VWDE: variants seen among roughly 807,000 people sequenced by gnomAD.
The protein encoded by VWDE is von Willebrand factor D and EGF domain-containing protein.
VWDE carries 207 observed loss-of-function variants against 178.4 expected under a neutral mutation model. The ratio of observed to expected loss-of-function variants is 1.16; its 90% CI spans 1.04 to 1.30. The LOEUF is 1.30. Ranked by LOEUF, VWDE falls within the 50% of genes most tolerant of loss-of-function variation. VWDE has a pLI of 0.00. For missense variants in VWDE, 2,287 were observed against 1,901.3 expected (o/e 1.20, Z -3.77); for synonymous variants, 738 against 651.4 (o/e 1.13, Z -2.02).
chr7:12,339,610 T>C (rs1399638934), intron 24 of VWDE, among the ~76,000 whole-genome samples: 1 of 152,036 alleles, frequency 6.6e-6, no homozygotes, highest in Non-Finnish European at 1.5e-5. Flanking sequence ...TCAAAGTGCA[T>C]CGTGGCAAGG....
chr7:12,357,379 C>A lies in VWDE; in HGVS notation c.3411G>T (p.Gly1137=). 1 of 1,551,816 alleles carries A rather than the reference C, an allele frequency of 6.4e-7. No individual in the cohort carries two copies. The highest frequency in any genetic ancestry group is 1.2e-5 in the South Asian group (1 of 84,052). ...AAAGCCCTGCAGAGGAAACACTTGC[C>A]CCTTCAGGACCAGAGTCCAACGTAA... is the stretch of plus-strand genomic sequence containing the variant. ...IHFTLDSGPE[G]ASVSSAGLFM... The change falls in exon 17 of 29, where the codon GGG becomes GGT. Residue 1137 remains glycine (G), a synonymous_variant. Transcript: ENST00000275358.
At chr7:12,341,952 A>G in intron 23 of VWDE, 107 bp downstream of exon 23, 1 of 763,346 alleles carries the variant, frequency 1.3e-6, no homozygotes, top group Admixed American at 2.3e-5. Context: ...ATACCTATCT[A>G]CCTGTCTTGT....
Position 12,360,978 on chromosome 7 carries a change from C to T in VWDE, c.3159+169G>A, listed in dbSNP as rs560520667. Among the ~76,000 whole-genome samples the T allele has an allele frequency of 4.6e-5, 7 of 152,192 alleles. No individual in the cohort carries two copies. The East Asian group carries it at 7.7e-4, about 17-fold the overall frequency. On this transcript the variant is annotated intron_variant, in intron 15 of 28. Coordinates refer to ENST00000275358, the MANE Select transcript of VWDE (RefSeq NM_001135924.3). ...AAAATGTTAAAGGTAGGAACCTCTT[C>T]GTTGCAGGCAGAGTAACAATTTCAG...
At chr7:12,389,606 T>C (rs988448005) in intron 2 of VWDE, among the ~76,000 whole-genome samples, 10 of 152,206 alleles carry the variant, frequency 6.6e-5, no homozygotes, top group African/African-American at 2.4e-4. Context: ...TTTATTCCAT[T>C]CATTACATTT....
intron 2 of VWDE, 93 bp downstream of exon 2, chr7:12,393,501 A>C (rs189277801): frequency 9.2e-7 from 1 of 1,089,598 alleles, no homozygotes; most frequent in Admixed American, 3.0e-5. Flanking sequence ...ACAACATTTT[A>C]GCATGAGAAA....
At position 12,370,194 on chromosome 7, in the gene VWDE, C is replaced by A; in HGVS notation, c.2112G>T (p.Leu704=). The change falls in exon 12 of 29, where the codon CTG becomes CTT. Residue 704 remains leucine, a synonymous_variant. Transcript: ENST00000275358. ...TTTGTACATTTAAGCCGAGTTTAGT[C>A]AGGTTTATGTGTTTTTTTTCTTGCA... ...LFLQEKKHIN[L]TKLGLNVQKH... is the part of the protein sequence containing the mutation. The A allele has an allele frequency of 1.3e-6, 2 of 1,551,176 alleles. No homozygotes were observed. The highest frequency in any genetic ancestry group is 1.7e-6 in the Non-Finnish European group (2 of 1,146,844).
intron 16 of VWDE, 62 bp from the exon 17 acceptor site, chr7:12,357,577 G>A (rs1413762226): frequency 6.6e-7 from 1 of 1,512,272 alleles, no homozygotes; most frequent in Non-Finnish European, 8.9e-7. Flanking sequence ...GTGTACTTCT[G>A]AGAGCTCCCA....
intron 13 of VWDE, among the ~76,000 whole-genome samples, chr7:12,365,411 C>T (rs557844786): frequency 1.3e-5 from 2 of 152,040 alleles, no homozygotes; most frequent in East Asian, 3.9e-4. Context: ...CAAGTTATTC[C>T]AAAATAAAAG....
chr7:12,361,157 C>T lies in VWDE; in HGVS notation c.3149G>A (p.Cys1050Tyr), dbSNP rs35171886. The change falls in exon 15 of 29, where the codon TGT becomes TAT. Residue 1050 changes from cysteine (C) to tyrosine (Y), a missense_variant. By Grantham distance (194) the Cys-to-Tyr change is radical. Coordinates refer to ENST00000275358, the MANE Select transcript of VWDE (RefSeq NM_001135924.3). ...GAAAAAAATACATACCTTTATAGTA[C>T]ATGAGTCATTTTTATAGAGACCACA... ...QVCGLYKNDS[C>Y]TIKENVCIID... 0.11 allele frequency: 166,558 copies of T among 1,518,526 alleles called. 10,033 individuals carry two copies. The highest frequency in any genetic ancestry group is 0.21 in the East Asian group (8,494 of 40,542). The allele number at this position is 1,518,526 out of a possible 1,614,324, so 94.1% of individuals were successfully genotyped here. A position where few individuals can be genotyped will look rare whatever the true frequency, so the allele number is the denominator to read the frequency against.
chr7:12,370,906 C>A, intron 10 of VWDE, 42 bp from the exon 11 acceptor site: 1 of 1,389,084 alleles, frequency 7.2e-7, no homozygotes, highest in Non-Finnish European at 9.6e-7. Flanking sequence ...GATGTTGAAG[C>A]AATATTCAAC....
chr7:12,356,373 A>T, intron 17 of VWDE, 43 bp from the exon 18 acceptor site: 1 of 1,495,938 alleles, frequency 6.7e-7, no homozygotes, highest in South Asian at 1.2e-5. Context: ...TTTCAATAAA[A>T]TTATCTTCAG....
chr7:12,380,853 A>C, intron 4 of VWDE, 120 bp from the exon 5 acceptor site: 4 of 1,183,458 alleles, frequency 3.4e-6, no homozygotes, highest in Non-Finnish European at 4.6e-6. Flanking sequence ...AGCTAAATTT[A>C]GAAAAATGAT....
chr7:12,345,949 G>C (rs993173432), intron 19 of VWDE, among the ~76,000 whole-genome samples: 1 of 152,072 alleles, frequency 6.6e-6, no homozygotes. Flanking sequence ...GATGGTGGCT[G>C]AAAATTTATA....
Position 12,375,029 on chromosome 7 carries a change from T to C in VWDE, c.1223A>G (p.Tyr408Cys), listed in dbSNP as rs1490832714. ...IVNEDFLWNN[Y>C]IPDSIQIKVK... ...GTCAACCTGGATGCTGTCTGGAATG[T>C]AGTTGTTCCACAGGAAATCCTCATT... is the stretch of plus-strand genomic sequence containing the variant. The change falls in exon 8 of 29, where the codon TAC becomes TGC. Residue 408 changes from tyrosine (Y) to cysteine (C), a missense_variant. Tyr to Cys is a radical substitution (Grantham distance 194). Coordinates refer to ENST00000275358, the MANE Select transcript of VWDE (RefSeq NM_001135924.3). The C allele has an allele frequency of 1.3e-6, 2 of 1,551,240 alleles. No individual in the cohort carries two copies. Among genetic ancestry groups the C allele is most frequent in the Admixed American group, 2.0e-5 (1 of 50,984 alleles).
At chr7:12,390,150 G>A (rs2128561362) in intron 2 of VWDE, among the ~76,000 whole-genome samples, 1 of 149,376 alleles carries the variant, frequency 6.7e-6, no homozygotes, top group East Asian at 2.0e-4. Flanking sequence ...GGGCGACAGA[G>A]CGAGACTCCA....
rs1375383424 is a variant in VWDE at position 12,356,274 on chromosome 7, G to T, written c.3582C>A (p.Asn1194Lys). 2.6e-6 allele frequency: 4 copies of T among 1,551,466 alleles called. No homozygotes were observed. The highest frequency in any genetic ancestry group is 2.6e-6 in the Non-Finnish European group (3 of 1,146,964). ...GGTACACTCCACTCCCTGGAGAAAAGTTCCTATCAGATACACATGATCCAC... is the reference window on the plus strand; with the variant it reads ...GGTACACTCCACTCCCTGGAGAAAATTTCCTATCAGATACACATGATCCAC... ...LNGGSCVSDR[N>K]FSPGSGVYLC... The change falls in exon 18 of 29, where the codon AAC becomes AAA. Residue 1194 changes from asparagine to lysine, a missense_variant. Transcript: ENST00000275358.
At position 12,344,195 on chromosome 7, in the gene VWDE, C is replaced by T. The variant is rs1439046929; in HGVS notation, c.4078G>A (p.Glu1360Lys). ...PGHGGATCDE[E>K]HCNPPCQHGG... is the part of the protein sequence containing the mutation. Reference sequence around the variant, plus strand: ...TTTGATTTTTAATTTGAATTATCACCTTCATCACAGGTTGCTCCACCATGT... The same window carrying T: ...TTTGATTTTTAATTTGAATTATCACTTTCATCACAGGTTGCTCCACCATGT... Residue 1360 changes from glutamate (E) to lysine (K), a missense_variant and splice_region_variant, in exon 21 of 29, where the codon GAA becomes AAA. Glu to Lys is a moderately conservative substitution (Grantham distance 56, BLOSUM62 1). Transcript: ENST00000275358. 3.2e-6 allele frequency: 5 copies of T among 1,550,066 alleles called. No individual in the cohort carries two copies. In the South Asian group the frequency reaches 6.0e-5, roughly 18 times the overall value.
chr7:12,403,671 C>A lies in VWDE; in HGVS notation c.46G>T (p.Ala16Ser), dbSNP rs779154602. The change falls in exon 1 of 29, where the codon GCC (alanine) becomes TCC (serine). Residue 16 changes from alanine to serine, a missense_variant. Transcript: ENST00000275358. ...CVLVIALMFL[A>S]WGEAQECSPG... The stretch of plus-strand genomic sequence containing the variant: ...CTACCTCGCTTACCTTCCCCCCAGG[C>A]CAGGAACATCAGCGCGATCACCAGC... 4.1e-5 allele frequency: 64 copies of A among 1,546,142 alleles called. No individual in the cohort carries two copies. The African/African-American group carries it at 4.5e-4, about 11-fold the overall frequency.
At chr7:12,393,518 G>A (rs1408823493) in intron 2 of VWDE, 76 bp downstream of exon 2, 5 of 1,215,054 alleles carry the variant, frequency 4.1e-6, no homozygotes, top group Admixed American at 3.0e-5. Flanking sequence ...GAAATAAGCT[G>A]GTGGTAAAAA....
Sources: gnomAD v4.1 joint callset for allele counts (sites outside exome capture counted in the v4.1 genomes callset) on GRCh38, gnomAD v4.1.1 for gene constraint, MANE v1.5 for transcripts, NCBI Gene and HGNC (gene_info 2026-07-23, HGNC 2026-07-21) for gene names.